CMAS: variants seen among roughly 807,000 people sequenced by gnomAD.
The protein encoded by CMAS is N-acylneuraminate cytidylyltransferase.
A neutral mutation model predicts 53.4 loss-of-function variants in CMAS; 21 were observed. The ratio of observed to expected loss-of-function variants is 0.39; its 90% CI spans 0.28 to 0.57. CMAS has a LOEUF of 0.57. Ranked by LOEUF, CMAS falls within the 20% of genes least tolerant of loss-of-function variation. The pLI is 0.56. For missense variants in CMAS, 384 were observed against 534.9 expected (o/e 0.72, Z 2.78); for synonymous variants, 189 against 195.2 (o/e 0.97, Z 0.27).
intron 1 of CMAS, among the ~76,000 whole-genome samples, chr12:22,053,765 G>C (rs1333221579): frequency 6.7e-6 from 1 of 148,670 alleles, no homozygotes; most frequent in South Asian, 2.1e-4. Context: ...TGTAGTCCCA[G>C]CTACTTGGGA....
intron 4 of CMAS, among the ~76,000 whole-genome samples, chr12:22,059,148 A>AT (rs10615874): frequency 1.0e-4 from 14 of 139,848 alleles, no homozygotes; most frequent in African/African-American, 2.4e-4. Context: ...ATATATATAT[A>AT]TTTTTTTTTT....
intron 3 of CMAS, among the ~76,000 whole-genome samples, chr12:22,058,276 T>C (rs1246563795): frequency 6.6e-6 from 1 of 151,362 alleles, no homozygotes; most frequent in Non-Finnish European, 1.5e-5. Flanking sequence ...AATACAAAAA[T>C]TAGCCAGGTG....
At chr12:22,046,965 A>G (rs1425474408) in intron 1 of CMAS, among the ~76,000 whole-genome samples, 2 of 152,188 alleles carry the variant, frequency 1.3e-5, no homozygotes, top group Non-Finnish European at 2.9e-5. Context: ...CCTGTTGCTC[A>G]GCCTCTGATA....
At chr12:22,055,371 C>A in intron 2 of CMAS, 80 bp downstream of exon 2, 1 of 1,474,524 alleles carries the variant, frequency 6.8e-7, no homozygotes, top group Non-Finnish European at 9.1e-7. Flanking sequence ...CTTGTTTTAA[C>A]ATTTGAATTC....
At chr12:22,057,827 C>CTTT (rs749650668) in intron 3 of CMAS, among the ~76,000 whole-genome samples, 1 of 139,994 alleles carries the variant, frequency 7.1e-6, no homozygotes, top group Non-Finnish European at 1.6e-5. Context: ...TAAAAAAGTT[C>CTTT]TTTTTTTTTT....
At chr12:22,057,226 T>TACACACACACACACACACAC (rs71053371) in intron 3 of CMAS, among the ~76,000 whole-genome samples, 7 of 133,934 alleles carry the variant, frequency 5.2e-5, no homozygotes, top group South Asian at 4.8e-4. Flanking sequence ...AACCAGCTAT[T>TACACACACACACACACACAC]ACACACACAC....
chr12:22,047,237 C>T (rs1189510995), intron 1 of CMAS, among the ~76,000 whole-genome samples: 1 of 152,120 alleles, frequency 6.6e-6, no homozygotes, highest in South Asian at 2.1e-4. Context: ...TTTGGAACCT[C>T]GCCTGCCCTA....
rs1197856137 is a variant in CMAS, at chr12:22,055,254, A to G, written c.366A>G (p.Ser122=). The G allele has an allele frequency of 2.5e-6, 4 of 1,608,084 alleles. No individual in the cohort carries two copies. Among genetic ancestry groups the G allele is most frequent in the Non-Finnish European group, 3.4e-6 (4 of 1,175,836 alleles). Residue 122 remains serine (S), a synonymous_variant, in exon 2 of 8, where the codon TCA becomes TCG. Coordinates refer to ENST00000229329, the MANE Select transcript of CMAS (RefSeq NM_018686.6). ...SSEVSKDSST[S]LDAIIEFLNY... is the part of the protein sequence containing the mutation. ...AAGTTTCAAAAGACAGCTCTACCTCACTAGATGCCATCATAGAATTTCTTA... is the reference window on the plus strand; with the variant it reads ...AAGTTTCAAAAGACAGCTCTACCTCGCTAGATGCCATCATAGAATTTCTTA...
intron 4 of CMAS, among the ~76,000 whole-genome samples, chr12:22,059,797 G>GA (rs1381516886): frequency 6.6e-6 from 1 of 151,684 alleles, no homozygotes; most frequent in Non-Finnish European, 1.5e-5. Context: ...AAAGTGTGGA[G>GA]AAAAATGTTT....
intron 1 of CMAS, among the ~76,000 whole-genome samples, chr12:22,049,611 A>G (rs1221912816): frequency 3.9e-5 from 6 of 152,308 alleles, no homozygotes; most frequent in Admixed American, 2.0e-4. Flanking sequence ...CACTATATCA[A>G]TGGTGGCGAT....
At chr12:22,053,024 TGGCTTACAC>T (rs1330007767) in intron 1 of CMAS, among the ~76,000 whole-genome samples, 6 of 152,302 alleles carry the variant, frequency 3.9e-5, no homozygotes, top group African/African-American at 1.4e-4. Context: ...CCGAGCGTGG[TGGCTTACAC>T]CTGTAATCCT....
At chr12:22,049,540 G>A (rs1320869712) in intron 1 of CMAS, among the ~76,000 whole-genome samples, 1 of 152,326 alleles carries the variant, frequency 6.6e-6, no homozygotes, top group Non-Finnish European at 1.5e-5. Context: ...AGACTAGAGT[G>A]TAAACTCATT....
intron 7 of CMAS, 52 bp from the exon 8 acceptor site, chr12:22,065,069 G>T: frequency 6.8e-7 from 1 of 1,468,340 alleles, no homozygotes; most frequent in Non-Finnish European, 9.4e-7. Context: ...TATTTAGCTA[G>T]AATATTCTTT....
chr12:22,065,409 A>T lies in CMAS; in HGVS notation c.*98A>T, dbSNP rs1950340906. ...AATTCCATGTTGTAATGTTACAGAG[A>T]GTGTGATTTGGTTTGTGATATATAT... On this transcript the variant is annotated 3_prime_UTR_variant, in exon 8 of 8. Transcript: ENST00000229329. The T allele has an allele frequency of 4.3e-6, 4 of 929,018 alleles. No individual in the cohort carries two copies. Among genetic ancestry groups the T allele is most frequent in the Non-Finnish European group, 6.5e-6 (4 of 611,442 alleles). 57.5% of individuals were successfully genotyped at this position (929,018 alleles called of 1,614,324 possible).
At position 22,046,386 on chromosome 12, in the gene CMAS, A is replaced by C; in HGVS notation, c.83A>C (p.Gln28Pro). 6.3e-7 allele frequency: 1 copy of C among 1,578,980 alleles called. No homozygotes were observed. The highest frequency in any genetic ancestry group is 8.6e-7 in the Non-Finnish European group (1 of 1,164,068). The stretch of plus-strand genomic sequence containing the variant: ...TCCCGGGGCCGGCCGCCGAAGCTGC[A>C]GCGCAACTCTCGCGGCGGCCAGGGC... ...RPSRGRPPKLQRNSRGGQGRG... is the reference protein window; with the variant it reads ...RPSRGRPPKLPRNSRGGQGRG... The change falls in exon 1 of 8, where the codon CAG (glutamine) becomes CCG (proline). Residue 28 changes from glutamine to proline, a missense_variant. Gln to Pro is a moderately conservative substitution (Grantham distance 76, BLOSUM62 -1). Around this residue, in one of 3 missense-constraint regions of CMAS, gnomAD observed 111 missense variants for 132.2 expected, o/e 0.84. Coordinates refer to ENST00000229329, the MANE Select transcript of CMAS (RefSeq NM_018686.6).
At chr12:22,064,486 A>T (rs1315648239) in intron 7 of CMAS, among the ~76,000 whole-genome samples, 1 of 152,150 alleles carries the variant, frequency 6.6e-6, no homozygotes, top group African/African-American at 2.4e-5. Flanking sequence ...TTCCTGATTC[A>T]AATAAGTCAG....
intron 3 of CMAS, among the ~76,000 whole-genome samples, chr12:22,056,436 T>C (rs976610784): frequency 6.6e-6 from 1 of 152,194 alleles, no homozygotes; most frequent in African/African-American, 2.4e-5. Context: ...ATCAGGAAGA[T>C]AGGATAAGGG....
chr12:22,047,748 T>C (rs949395080), intron 1 of CMAS, among the ~76,000 whole-genome samples: 7 of 152,144 alleles, frequency 4.6e-5, no homozygotes, highest in Non-Finnish European at 1.0e-4. Flanking sequence ...TGAGCCCTAA[T>C]TTCTGCTATA....
At chr12:22,050,195 G>A (rs968470931) in intron 1 of CMAS, among the ~76,000 whole-genome samples, 7 of 152,200 alleles carry the variant, frequency 4.6e-5, no homozygotes, top group African/African-American at 1.4e-4. Flanking sequence ...TATGCAGGGA[G>A]ATAAGATCAC....
Sources: gnomAD v4.1 joint callset for allele counts (sites outside exome capture counted in the v4.1 genomes callset) on GRCh38, gnomAD v4.1.1 for gene constraint, gnomAD v4.1.1 regional missense constraint, MANE v1.5 for transcripts, NCBI Gene and HGNC (gene_info 2026-07-23, HGNC 2026-07-21) for gene names.